The following MCF2L2 variants were observed in gnomAD, a reference collection of about 807,000 sequenced individuals.
The protein encoded by MCF2L2 is probable guanine nucleotide exchange factor MCF2L2.
MCF2L2 carries 102 observed loss-of-function variants against 150.2 expected under a neutral mutation model. The ratio of observed to expected loss-of-function variants is 0.68; its 90% CI spans 0.58 to 0.80. The LOEUF is 0.80. Among genes scored for constraint, MCF2L2 ranks in the 30% least tolerant of loss-of-function variants. The probability of loss-of-function intolerance (pLI) is 0.00; values close to 1 mark genes in which losing one functional copy is unlikely to be tolerated. For synonymous variants in MCF2L2, 465 were observed against 491.3 expected, an observed-to-expected ratio of 0.95 and a Z score of 0.71; for missense variants, 1,256 against 1,372.8, an observed-to-expected ratio of 0.91 and a Z score of 1.34.
chr3:183,235,185 T>C lies in MCF2L2; in HGVS notation c.1863-4168A>G, dbSNP rs929667273. Among the ~76,000 whole-genome samples, 29 of 93,620 alleles carry C rather than the reference T, an allele frequency of 3.1e-4. 2 individuals are homozygous for C. Among genetic ancestry groups the C allele is most frequent in the Non-Finnish European group, 5.8e-4 (28 of 48,512 alleles). The allele number at this position is 93,620 out of a possible 152,430, so 61.4% of individuals were successfully genotyped here. ...GTGTGCATGTGTCTTTATAGCAGCA[T>C]GATTTATAATCCTTTGGGTATATAC... On this transcript the variant is annotated intron_variant, in intron 15 of 29. Coordinates refer to ENST00000328913, the MANE Select transcript of MCF2L2 (RefSeq NM_015078.4).
At chr3:183,229,270 C>T (rs1723461561) in intron 17 of MCF2L2, among the ~76,000 whole-genome samples, 1 of 152,218 alleles carries the variant, frequency 6.6e-6, no homozygotes, top group African/African-American at 2.4e-5. Context: ...CATTTTCTAA[C>T]ACCCTAGTTC....
intron 15 of MCF2L2, among the ~76,000 whole-genome samples, chr3:183,264,816 G>C (rs929100159): frequency 6.6e-6 from 1 of 152,182 alleles, no homozygotes; most frequent in Admixed American, 6.5e-5. Flanking sequence ...AAAGTTTAAA[G>C]AGCTCTCTTG....
chr3:183,260,568 T>A (rs929738618), intron 15 of MCF2L2, among the ~76,000 whole-genome samples: 2 of 152,180 alleles, frequency 1.3e-5, no homozygotes, highest in East Asian at 3.8e-4. Flanking sequence ...ATAACTTCCC[T>A]AAAATCTAAG....
chr3:183,361,324 T>C (rs572531375), intron 3 of MCF2L2, among the ~76,000 whole-genome samples: 64 of 152,272 alleles, frequency 4.2e-4, no homozygotes, highest in Admixed American at 4.1e-3. Flanking sequence ...CTGTACTGCT[T>C]AGTTACTGAT....
intron 15 of MCF2L2, among the ~76,000 whole-genome samples, chr3:183,262,527 C>G (rs1190892476): frequency 1.3e-5 from 2 of 152,170 alleles, no homozygotes; most frequent in East Asian, 3.9e-4. Flanking sequence ...TTAAATTGTG[C>G]ACCTAAAATA....
chr3:183,230,890 T>C (rs368583057), intron 16 of MCF2L2, 61 bp downstream of exon 16: 4 of 1,331,130 alleles, frequency 3.0e-6, no homozygotes, highest in Non-Finnish European at 4.3e-6. Context: ...AGTCTCTTTG[T>C]ACAACAAAAC....
chr3:183,180,867 T>C (rs1721494659), intron 27 of MCF2L2, among the ~76,000 whole-genome samples: 9 of 152,236 alleles, frequency 5.9e-5, no homozygotes, highest in Admixed American at 5.9e-4. Context: ...GGCCAAGTCC[T>C]CTTGGCCTGT....
chr3:183,223,934 C>T (rs1168773318), intron 19 of MCF2L2, among the ~76,000 whole-genome samples, 164 bp downstream of exon 19: 3 of 152,178 alleles, frequency 2.0e-5, no homozygotes, highest in East Asian at 3.9e-4. Flanking sequence ...TCCTCACAGG[C>T]CTATCCCATT....
At chr3:183,343,971 G>C (rs1027109782) in intron 3 of MCF2L2, among the ~76,000 whole-genome samples, 1 of 151,990 alleles carries the variant, frequency 6.6e-6, no homozygotes, top group Non-Finnish European at 1.5e-5. Context: ...AGGAGTTCAA[G>C]GCCGGCCTGA....
chr3:183,317,713 G>A (rs2108515484), intron 7 of MCF2L2, among the ~76,000 whole-genome samples: 1 of 152,226 alleles, frequency 6.6e-6, no homozygotes, highest in African/African-American at 2.4e-5. Flanking sequence ...GCTCTGTCCT[G>A]AGCAGGATCA....
chr3:183,389,047 C>A (rs1477345485), intron 2 of MCF2L2, among the ~76,000 whole-genome samples: 1 of 152,084 alleles, frequency 6.6e-6, no homozygotes, highest in Non-Finnish European at 1.5e-5. Context: ...CTTCATTCTC[C>A]TAAGTTGGGT....
chr3:183,316,719 G>A (rs186587207), intron 7 of MCF2L2, among the ~76,000 whole-genome samples: 2 of 143,424 alleles, frequency 1.4e-5, no homozygotes, highest in Non-Finnish European at 1.5e-5. Flanking sequence ...TGTTTTTGTT[G>A]TTTTGAGATG....
chr3:183,260,764 A>G (rs963679407), intron 15 of MCF2L2, among the ~76,000 whole-genome samples: 25 of 152,190 alleles, frequency 1.6e-4, no homozygotes, highest in African/African-American at 5.8e-4. Flanking sequence ...ACCTGGATTC[A>G]CATTGTAGGT....
In MCF2L2 at chr3:183,391,953, T is replaced by C. The variant is rs149571555; in HGVS notation, c.77-2174A>G. 5.7e-3 allele frequency among the ~76,000 whole-genome samples: 868 copies of C among 152,266 alleles called. 6 individuals carry two copies. The highest frequency in any genetic ancestry group is 0.019 in the African/African-American group (801 of 41,544). ...CACAGACTAGAGTGCAGTGGCATAA[T>C]CATAGCTCACTGCAGCCTTGAACTC... is the stretch of plus-strand genomic sequence containing the variant. On this transcript the variant is annotated intron_variant, in intron 1 of 29. Transcript: ENST00000328913.
intron 20 of MCF2L2, 30 bp downstream of exon 20, chr3:183,223,316 C>G: frequency 6.4e-7 from 1 of 1,556,934 alleles, no homozygotes; most frequent in Non-Finnish European, 8.9e-7. Flanking sequence ...GGTTTCCCAC[C>G]AAGGAAAAGC....
intron 1 of MCF2L2, among the ~76,000 whole-genome samples, chr3:183,412,741 G>A (rs756545946): frequency 6.6e-6 from 1 of 151,710 alleles, no homozygotes; most frequent in Non-Finnish European, 1.5e-5. Context: ...TAACTGCTCT[G>A]GCTAGAACAT....
intron 2 of MCF2L2, among the ~76,000 whole-genome samples, chr3:183,388,544 G>A (rs1014402716): frequency 6.6e-6 from 1 of 152,220 alleles, no homozygotes; most frequent in Non-Finnish European, 1.5e-5. Context: ...AGACCACAGG[G>A]ACTTGGATAT....
chr3:183,204,463 GATA>G (rs3075571), intron 25 of MCF2L2, among the ~76,000 whole-genome samples: 3,231 of 149,024 alleles, frequency 0.022, 115 homozygotes, highest in African/African-American at 0.075. Context: ...GGATGGCAAT[GATA>G]ATAATAATAA....
At chr3:183,282,918 C>A (rs944767550) in intron 14 of MCF2L2, among the ~76,000 whole-genome samples, 30 of 152,184 alleles carry the variant, frequency 2.0e-4, no homozygotes, top group African/African-American at 6.8e-4. Context: ...CCCCAACTGA[C>A]AGAGGGTATA....
Sources: allele counts gnomAD v4.1 joint callset (sites outside exome capture counted in the v4.1 genomes callset), GRCh38; gene constraint gnomAD v4.1.1; transcripts MANE v1.5; gene names NCBI Gene and HGNC (gene_info 2026-07-23, HGNC 2026-07-21).